The following CNEP1R1 variants were observed in gnomAD, a reference collection of about 807,000 sequenced individuals.
CNEP1R1 encodes CTD nuclear envelope phosphatase 1 regulatory subunit 1.
Under a neutral mutation model 22.7 loss-of-function variants are expected in CNEP1R1, and 10 were observed. That is an observed-to-expected ratio of 0.44 (90% CI 0.27 to 0.75). CNEP1R1 has a LOEUF of 0.75. CNEP1R1 is among the 30% of genes least tolerant of loss of function. The probability of loss-of-function intolerance (pLI) is 0.17; values close to 1 mark genes in which losing one functional copy is unlikely to be tolerated. For synonymous variants in CNEP1R1, 53 were observed against 50.1 expected, an observed-to-expected ratio of 1.06 and a Z score of -0.25; for missense variants, 73 against 151.5, an observed-to-expected ratio of 0.48 and a Z score of 2.72.
chr16:50,025,836 C>T (rs2036177638), intron 1 of CNEP1R1: 2 of 703,768 alleles, frequency 2.8e-6, no homozygotes, highest in Admixed American at 4.8e-5. Context: ...CGAAGATCAC[C>T]TGTACCCCTT....
intron 5 of CNEP1R1, among the ~76,000 whole-genome samples, chr16:50,035,089 C>G (rs774356914): frequency 6.6e-6 from 1 of 152,072 alleles, no homozygotes; most frequent in Non-Finnish European, 1.5e-5. Flanking sequence ...TGGTGGTTCA[C>G]ACCTGTAATC....
Position 50,034,160 on chromosome 16 carries a change from A to C in CNEP1R1, c.336+4A>C, listed in dbSNP as rs1423343504. 1 of 1,572,378 alleles carries C rather than the reference A, an allele frequency of 6.4e-7. No homozygotes were observed. ...ATACAATATGTCTTGTGATGATGTA[A>C]GTATTTTTTTGGTTAGAAAATTATA... On this transcript the variant is annotated splice_donor_region_variant and intron_variant, in intron 5 of 5. Transcript: ENST00000427478.
chr16:50,025,773 C>G, intron 1 of CNEP1R1: 1 of 1,327,984 alleles, frequency 7.5e-7, no homozygotes, highest in South Asian at 1.2e-5. Flanking sequence ...ACCACTCACT[C>G]GGAGCAGCTT....
chr16:50,034,554 T>C, intron 5 of CNEP1R1: 1 of 197,404 alleles, frequency 5.1e-6, no homozygotes, highest in Non-Finnish European at 1.0e-5. Context: ...AAATATAGAG[T>C]CATAGATTAA....
chr16:50,027,676 G>GT (rs1450576368), intron 2 of CNEP1R1, among the ~76,000 whole-genome samples: 5 of 148,880 alleles, frequency 3.4e-5, no homozygotes, highest in African/African-American at 1.0e-4. Context: ...GAGACCCTGT[G>GT]TTTAAAAAAA....
intron 3 of CNEP1R1, 52 bp from the exon 4 acceptor site, chr16:50,033,345 C>A (rs2036247409): frequency 1.2e-6 from 1 of 819,534 alleles, no homozygotes; most frequent in Non-Finnish European, 2.0e-6. Flanking sequence ...AGGTAGGAAT[C>A]AGCCATCCTA....
At chr16:50,028,236 C>A (rs866127096) in intron 2 of CNEP1R1, among the ~76,000 whole-genome samples, 3 of 152,214 alleles carry the variant, frequency 2.0e-5, no homozygotes, top group African/African-American at 7.2e-5. Context: ...GCTAGGATTA[C>A]AGGTGTGAGC....
At position 50,026,599 on chromosome 16, in the gene CNEP1R1, A is replaced by C. The variant is rs1250491791; in HGVS notation, c.97+132A>C. On this transcript the variant is annotated intron_variant, in intron 2 of 5. Transcript: ENST00000427478. The stretch of plus-strand genomic sequence containing the variant: ...ATTGTAGACAATGCCTTATGAAGAA[A>C]TTTTTAAGAAAAGGAAATTATAACT... 6 of 678,638 alleles carry C rather than the reference A, an allele frequency of 8.8e-6. No homozygotes were observed. The African/African-American group carries it at 9.0e-5, about 10-fold the overall frequency. 42.0% of individuals were successfully genotyped at this position (678,638 alleles called of 1,614,324 possible). A position where few individuals can be genotyped will look rare whatever the true frequency, so the allele number is the denominator to read the frequency against.
intron 3 of CNEP1R1, among the ~76,000 whole-genome samples, chr16:50,032,912 G>A (rs1332780728): frequency 6.6e-6 from 1 of 152,078 alleles, no homozygotes; most frequent in African/African-American, 2.4e-5. Context: ...GGGTGAGGCA[G>A]GAGAATTGCT....
chr16:50,025,777 G>C (rs1419074838), intron 1 of CNEP1R1: 7 of 1,299,222 alleles, frequency 5.4e-6, no homozygotes, highest in Admixed American at 1.7e-5. Flanking sequence ...CTCACTCGGA[G>C]CAGCTTAGAC....
chr16:50,027,867 GC>G (rs1355546332), intron 2 of CNEP1R1, among the ~76,000 whole-genome samples: 2 of 152,142 alleles, frequency 1.3e-5, no homozygotes, highest in African/African-American at 2.4e-5. Context: ...GTGCTTACTT[GC>G]CCATGGAAAT....
intron 2 of CNEP1R1, chr16:50,026,685 T>G (rs2036186870): frequency 1.9e-6 from 1 of 526,730 alleles, no homozygotes; most frequent in African/African-American, 1.9e-5. Flanking sequence ...TTAAAAAACA[T>G]ATTTTTTGGC....
chr16:50,025,984 C>T (rs943769176), intron 1 of CNEP1R1, among the ~76,000 whole-genome samples: 1 of 152,202 alleles, frequency 6.6e-6, no homozygotes, highest in Non-Finnish European at 1.5e-5. Context: ...AGGTAGACCT[C>T]GAAGACTTTG....
chr16:50,035,648 A>C lies in CNEP1R1; in HGVS notation c.*190A>C. 1.8e-6 allele frequency: 1 copy of C among 541,442 alleles called. No individual in the cohort carries two copies. Among genetic ancestry groups the C allele is most frequent in the South Asian group, 2.5e-5 (1 of 39,576 alleles). The allele number at this position is 541,442 out of a possible 1,614,324, so 33.5% of individuals were successfully genotyped here. A position where few individuals can be genotyped will look rare whatever the true frequency, so the allele number is the denominator to read the frequency against. ...CATTATCAGTGCTTTGGTACTTTTG[A>C]TTACCTGTGTTTCAGTATTAGTGTC... On this transcript the variant is annotated 3_prime_UTR_variant, in exon 6 of 6. Coordinates refer to ENST00000427478, the MANE Select transcript of CNEP1R1 (RefSeq NM_001281789.2).
intron 3 of CNEP1R1, among the ~76,000 whole-genome samples, chr16:50,031,033 T>C (rs930525152): frequency 6.6e-6 from 1 of 152,242 alleles, no homozygotes; most frequent in Non-Finnish European, 1.5e-5. Context: ...CTTTTTTTTA[T>C]TAGAGAAGTA....
chr16:50,029,651 G>A (rs987317767), intron 2 of CNEP1R1, 74 bp from the exon 3 acceptor site: 1 of 847,210 alleles, frequency 1.2e-6, no homozygotes, highest in Non-Finnish European at 1.9e-6. Context: ...TTGTCATTTA[G>A]TAGGAACTGG....
rs924241630 is a variant in CNEP1R1, at chr16:50,025,300, C to T, written c.-16C>T. The T allele has an allele frequency of 7.0e-7, 1 of 1,428,388 alleles. No individual in the cohort carries two copies. The highest frequency in any genetic ancestry group is 1.5e-5 in the South Asian group (1 of 67,360). The allele number at this position is 1,428,388 out of a possible 1,614,324, so 88.5% of individuals were successfully genotyped here. A position where few individuals can be genotyped will look rare whatever the true frequency, so the allele number is the denominator to read the frequency against. On this transcript the variant is annotated 5_prime_UTR_variant, in exon 1 of 6. Transcript: ENST00000427478. ...TGCGGACAGGGCAGCGGCGGTGACC[C>T]GAGCTGCCGCCCGACATGAACTCGC... is the stretch of plus-strand genomic sequence containing the variant.
intron 1 of CNEP1R1, 155 bp downstream of exon 1, chr16:50,025,495 G>A (rs2036172329): frequency 9.1e-7 from 1 of 1,093,224 alleles, no homozygotes; most frequent in Non-Finnish European, 1.3e-6. Context: ...GGCCGTACCT[G>A]GCCAGACGCG....
At chr16:50,026,021 G>C (rs2036179765) in intron 1 of CNEP1R1, 1 of 450,518 alleles carries the variant, frequency 2.2e-6, no homozygotes, top group Non-Finnish European at 3.9e-6. Context: ...GGTTCTAATA[G>C]GAAGTTCTTG....
Sources: allele counts gnomAD v4.1 joint callset (sites outside exome capture counted in the v4.1 genomes callset), GRCh38; gene constraint gnomAD v4.1.1; transcripts MANE v1.5; gene names NCBI Gene and HGNC (gene_info 2026-07-23, HGNC 2026-07-21).